MAGI1: variants seen among roughly 807,000 people sequenced by gnomAD.
MAGI1 encodes the protein membrane associated guanylate kinase, WW and PDZ domain containing 1, also known as membrane-associated guanylate kinase, WW and PDZ domain-containing protein 1.
Under a neutral mutation model 139.9 loss-of-function variants are expected in MAGI1, and 58 were observed. The observed-to-expected ratio is 0.41, with a 90% CI of 0.34 to 0.52. The LOEUF (loss-of-function observed/expected upper bound fraction) is 0.52. Ranked by LOEUF, MAGI1 falls within the 20% of genes least tolerant of loss-of-function variation. The probability of loss-of-function intolerance (pLI) is 0.12; values close to 1 mark genes in which losing one functional copy is unlikely to be tolerated. For missense variants in MAGI1, 1,874 were observed against 1,901.6 expected (o/e 0.99, Z 0.27); for synonymous variants, 812 against 737.9 (o/e 1.10, Z -1.63).
chr3:65,687,038 A>C (rs756007309), intron 1 of MAGI1, among the ~76,000 whole-genome samples: 4 of 152,196 alleles, frequency 2.6e-5, no homozygotes, highest in South Asian at 4.1e-4. Flanking sequence ...AGTCCTAAAA[A>C]GTCTTGCTAC....
At chr3:65,846,313 C>T (rs547604015) in intron 1 of MAGI1, among the ~76,000 whole-genome samples, 10 of 152,208 alleles carry the variant, frequency 6.6e-5, no homozygotes, top group Middle Eastern at 3.2e-3. Flanking sequence ...TTATGTAGTG[C>T]GGTCTCAAGT....
At chr3:65,769,576 A>G (rs2037777359) in intron 1 of MAGI1, among the ~76,000 whole-genome samples, 1 of 152,208 alleles carries the variant, frequency 6.6e-6, no homozygotes, top group Non-Finnish European at 1.5e-5. Flanking sequence ...TCCAGGTACA[A>G]GCTGCAATTT....
intron 2 of MAGI1, among the ~76,000 whole-genome samples, chr3:65,530,809 A>G: frequency 1.3e-5 from 1 of 74,844 alleles, no homozygotes; most frequent in East Asian, 3.0e-4. Flanking sequence ...ATATATACAC[A>G]CATATATATA....
intron 1 of MAGI1, among the ~76,000 whole-genome samples, chr3:65,833,697 G>A (rs1438480694): frequency 6.6e-6 from 1 of 152,116 alleles, no homozygotes; most frequent in Non-Finnish European, 1.5e-5. Flanking sequence ...CAACCAACTT[G>A]AAGCAAGTGC....
chr3:65,677,713 C>T (rs992314578), intron 1 of MAGI1, among the ~76,000 whole-genome samples: 9 of 152,216 alleles, frequency 5.9e-5, no homozygotes, highest in East Asian at 3.8e-4. Context: ...CCCACTCTTT[C>T]GTATCCACGT....
At chr3:65,904,467 CCACGGCCTTCAGGGCCCTGCGG>C (rs879848523) in intron 1 of MAGI1, among the ~76,000 whole-genome samples, 47 of 152,328 alleles carry the variant, frequency 3.1e-4, no homozygotes, top group Non-Finnish European at 4.6e-4. Flanking sequence ...AAAACCCTGA[CCACGGCCTTCAGGGCCCTGCGG>C]CCCGGCCTCT....
chr3:65,857,882 A>G (rs2059422504), intron 1 of MAGI1, among the ~76,000 whole-genome samples: 1 of 152,142 alleles, frequency 6.6e-6, no homozygotes, highest in Non-Finnish European at 1.5e-5. Context: ...AAGGGGGGGA[A>G]CAAATGGGTC....
intron 7 of MAGI1, 29 bp downstream of exon 7, chr3:65,447,993 T>C (rs763112603): frequency 1.2e-5 from 20 of 1,613,584 alleles, no homozygotes; most frequent in Non-Finnish European, 1.6e-5. Context: ...GCACGTGTCA[T>C]GCAGCAGCAG....
intron 1 of MAGI1, among the ~76,000 whole-genome samples, chr3:65,758,369 TATC>T (rs138253897): frequency 0.034 from 5,224 of 152,290 alleles, 127 homozygotes; most frequent in Middle Eastern, 0.058. Flanking sequence ...ACTACCCAAA[TATC>T]AGACATCCAG....
At chr3:65,710,812 T>C (rs1437220052) in intron 1 of MAGI1, among the ~76,000 whole-genome samples, 1 of 152,202 alleles carries the variant, frequency 6.6e-6, no homozygotes, top group Non-Finnish European at 1.5e-5. Context: ...TTTTCAACCA[T>C]GCCCTTCTTG....
At chr3:65,736,407 A>C (rs1478916576) in intron 1 of MAGI1, among the ~76,000 whole-genome samples, 1 of 152,182 alleles carries the variant, frequency 6.6e-6, no homozygotes, top group Non-Finnish European at 1.5e-5. Context: ...TATAAGAAGA[A>C]GTTTATTTAT....
chr3:65,527,165 G>A (rs1211350346), intron 2 of MAGI1, among the ~76,000 whole-genome samples: 1 of 152,212 alleles, frequency 6.6e-6, no homozygotes, highest in African/African-American at 2.4e-5. Flanking sequence ...TGTCACACCA[G>A]TGGCTCCTTT....
At chr3:65,951,928 A>C (rs976390910) in intron 1 of MAGI1, among the ~76,000 whole-genome samples, 1 of 152,224 alleles carries the variant, frequency 6.6e-6, no homozygotes, top group Non-Finnish European at 1.5e-5. Flanking sequence ...AGAACAATAA[A>C]TAAATAATGG....
At chr3:65,723,937 A>C (rs755896531) in intron 1 of MAGI1, among the ~76,000 whole-genome samples, 5 of 152,184 alleles carry the variant, frequency 3.3e-5, no homozygotes, top group Non-Finnish European at 5.9e-5. Context: ...GGAAAAAGTA[A>C]AAATCTACTA....
At chr3:65,840,921 A>G (rs1472495392) in intron 1 of MAGI1, among the ~76,000 whole-genome samples, 1 of 152,200 alleles carries the variant, frequency 6.6e-6, no homozygotes, top group African/African-American at 2.4e-5. Flanking sequence ...TTGGGCCTAG[A>G]GATGGGGGAG....
At chr3:65,851,058 G>A (rs1259676255) in intron 1 of MAGI1, among the ~76,000 whole-genome samples, 1 of 152,002 alleles carries the variant, frequency 6.6e-6, no homozygotes, top group African/African-American at 2.4e-5. Context: ...AGTGAGCCGA[G>A]ATCACGCCAC....
intron 4 of MAGI1, among the ~76,000 whole-genome samples, chr3:65,477,831 C>G (rs1486661747): frequency 6.6e-6 from 1 of 151,298 alleles, no homozygotes; most frequent in Non-Finnish European, 1.5e-5. Context: ...CACATCATAC[C>G]CTGCAAATGG....
intron 1 of MAGI1, among the ~76,000 whole-genome samples, chr3:65,728,248 G>A (rs2033824098): frequency 6.6e-6 from 1 of 152,100 alleles, no homozygotes; most frequent in Admixed American, 6.5e-5. Context: ...GCTTTGAGAT[G>A]GAAATGAGCT....
At chr3:65,530,281 A>G (rs1184341508) in intron 2 of MAGI1, among the ~76,000 whole-genome samples, 3 of 151,980 alleles carry the variant, frequency 2.0e-5, no homozygotes, top group African/African-American at 4.8e-5. Flanking sequence ...TAATTCATCC[A>G]TGTCACTGAA....
Sources: allele counts gnomAD v4.1 joint callset (sites outside exome capture counted in the v4.1 genomes callset), GRCh38; gene constraint gnomAD v4.1.1; transcripts MANE v1.5; gene names NCBI Gene and HGNC (gene_info 2026-07-23, HGNC 2026-07-21).